CRYBG1: variants seen among roughly 807,000 people sequenced by gnomAD.
CRYBG1 encodes beta/gamma crystallin domain-containing protein 1.
CRYBG1 carries 139 observed loss-of-function variants against 189.2 expected under a neutral mutation model. The observed-to-expected ratio is 0.73, with a 90% CI of 0.64 to 0.85. The LOEUF (loss-of-function observed/expected upper bound fraction) is 0.85, where lower values mean the gene tolerates loss of function less well. CRYBG1 is among the 40% of genes least tolerant of loss of function. CRYBG1 has a pLI of 0.00. For missense variants in CRYBG1, 2,611 were observed against 2,675.8 expected (o/e 0.98, Z 0.53); for synonymous variants, 1,023 against 1,017.1 (o/e 1.01, Z -0.11).
At chr6:106,501,651 T>G (rs2114510301) in intron 2 of CRYBG1, among the ~76,000 whole-genome samples, 1 of 152,386 alleles carries the variant, frequency 6.6e-6, no homozygotes, top group East Asian at 1.9e-4. Flanking sequence ...AATTTCTCAG[T>G]ACCCTGTATG....
At chr6:106,381,500 T>A (rs1273987984) in intron 1 of CRYBG1, among the ~76,000 whole-genome samples, 1 of 152,198 alleles carries the variant, frequency 6.6e-6, no homozygotes, top group Non-Finnish European at 1.5e-5. Flanking sequence ...GCATCTTAGG[T>A]GAGTTCAGCT....
intron 2 of CRYBG1, among the ~76,000 whole-genome samples, chr6:106,462,299 T>C (rs1772028876): frequency 6.6e-6 from 1 of 152,116 alleles, no homozygotes; most frequent in South Asian, 2.1e-4. Context: ...GCCTCCCGAG[T>C]AGCTGGGACT....
At chr6:106,461,051 C>T (rs938969084) in intron 2 of CRYBG1, among the ~76,000 whole-genome samples, 9 of 151,970 alleles carry the variant, frequency 5.9e-5, no homozygotes, top group Admixed American at 5.2e-4. Context: ...TCCCAAAGTG[C>T]TGGGATTACA....
intron 1 of CRYBG1, among the ~76,000 whole-genome samples, chr6:106,397,381 T>G (rs914852671): frequency 6.6e-6 from 1 of 152,238 alleles, no homozygotes; most frequent in Non-Finnish European, 1.5e-5. Context: ...TCATCCTGCA[T>G]AACTGAAACC....
At chr6:106,526,032 C>G (rs967191714) in intron 6 of CRYBG1, among the ~76,000 whole-genome samples, 1 of 152,094 alleles carries the variant, frequency 6.6e-6, no homozygotes, top group Non-Finnish European at 1.5e-5. Flanking sequence ...TTCATTGCCT[C>G]TTGGAGATAC....
chr6:106,549,078 A>C (rs928139971), intron 13 of CRYBG1, among the ~76,000 whole-genome samples: 1 of 151,768 alleles, frequency 6.6e-6, no homozygotes, highest in African/African-American at 2.4e-5. Context: ...TGAACTCATC[A>C]TTTTTTATGG....
At chr6:106,567,682 GAAAA>G (rs34224051) in intron 21 of CRYBG1, among the ~76,000 whole-genome samples, 1 of 147,208 alleles carries the variant, frequency 6.8e-6, no homozygotes, top group Non-Finnish European at 1.5e-5. Context: ...TTCTACACTG[GAAAA>G]AAAAAAATCA....
intron 18 of CRYBG1, 63 bp downstream of exon 18, chr6:106,558,688 C>T: frequency 7.3e-7 from 1 of 1,376,270 alleles, no homozygotes; most frequent in African/African-American, 1.5e-5. Flanking sequence ...TTGGGCTGGG[C>T]ACAGTGGCTC....
intron 21 of CRYBG1, among the ~76,000 whole-genome samples, chr6:106,567,509 G>T (rs1774926028): frequency 6.6e-6 from 1 of 152,138 alleles, no homozygotes; most frequent in East Asian, 1.9e-4. Flanking sequence ...AAGGTGAAAA[G>T]AATGTTTATT....
chr6:106,463,081 G>A (rs532940098), intron 2 of CRYBG1, among the ~76,000 whole-genome samples: 1 of 152,332 alleles, frequency 6.6e-6, no homozygotes, highest in South Asian at 2.1e-4. Flanking sequence ...TTGAGCCAGA[G>A]AGTTCAAGGT....
Position 106,519,007 on chromosome 6 carries a change from A to C in CRYBG1, c.1923-124A>C, listed in dbSNP as rs1447694348. On this transcript the variant is annotated intron_variant, in intron 3 of 21. Transcript: ENST00000633556. ...CACACACACATACACACACACACAC[A>C]CCACACTCCAAATGTTATATATCAG... 9.7e-6 allele frequency: 10 copies of C among 1,027,094 alleles called. No individual in the cohort carries two copies. The African/African-American group carries it at 1.5e-4, about 15-fold the overall frequency. 63.6% of individuals were successfully genotyped at this position (1,027,094 alleles called of 1,614,324 possible). A position where few individuals can be genotyped will look rare whatever the true frequency, so the allele number is the denominator to read the frequency against.
intron 1 of CRYBG1, among the ~76,000 whole-genome samples, chr6:106,424,823 A>G (rs987384478): frequency 6.6e-6 from 1 of 152,106 alleles, no homozygotes; most frequent in African/African-American, 2.4e-5. Context: ...GCCCGTCACC[A>G]CAGAAGTCCA....
intron 1 of CRYBG1, among the ~76,000 whole-genome samples, chr6:106,364,047 G>A (rs992633779): frequency 6.6e-5 from 10 of 152,138 alleles, no homozygotes; most frequent in African/African-American, 7.2e-5. Context: ...CAGTCCAGCC[G>A]GGTGCGGTCA....
In CRYBG1 at chr6:106,521,195, C is replaced by T; in HGVS notation, c.3987C>T (p.His1329=). The change falls in exon 4 of 22, where the codon CAC becomes CAT. Residue 1329 remains histidine (H), a synonymous_variant. Transcript: ENST00000633556. ...TSHSSLKSPS[H]MEKYPQKEKT... ...ACTCCAGTTTGAAAAGTCCAAGCCA[C>T]ATGGAAAAATACCCGCAAAAAGAGA... 1 of 1,614,150 alleles carries T rather than the reference C, an allele frequency of 6.2e-7. No individual in the cohort carries two copies.
intron 1 of CRYBG1, among the ~76,000 whole-genome samples, chr6:106,391,942 TG>T: frequency 9.7e-6 from 1 of 102,828 alleles, no homozygotes; most frequent in East Asian, 2.5e-4. Context: ...TGTGTGTGTG[TG>T]TGTGTGTGTG....
At chr6:106,535,456 A>G (rs994641055) in intron 8 of CRYBG1, among the ~76,000 whole-genome samples, 1 of 152,196 alleles carries the variant, frequency 6.6e-6, no homozygotes, top group African/African-American at 2.4e-5. Context: ...TTCAATGTAC[A>G]TTGGAGATAT....
At chr6:106,379,822 C>T (rs1202422989) in intron 1 of CRYBG1, among the ~76,000 whole-genome samples, 1 of 152,150 alleles carries the variant, frequency 6.6e-6, no homozygotes. Flanking sequence ...TCAAAAAATC[C>T]TCCTGCCTTG....
At chr6:106,436,970 C>G (rs1373442474) in intron 1 of CRYBG1, among the ~76,000 whole-genome samples, 1 of 151,274 alleles carries the variant, frequency 6.6e-6, no homozygotes, top group African/African-American at 2.4e-5. Context: ...AAATTGTATC[C>G]CAAGCCAGGT....
At chr6:106,524,536 CT>C (rs1313861668) in intron 4 of CRYBG1, among the ~76,000 whole-genome samples, 2 of 152,132 alleles carry the variant, frequency 1.3e-5, no homozygotes, top group African/African-American at 4.8e-5. Context: ...GCACTCCAGC[CT>C]GGTGACAGAG....
Sources: gnomAD v4.1 joint callset for allele counts (sites outside exome capture counted in the v4.1 genomes callset) on GRCh38, gnomAD v4.1.1 for gene constraint, MANE v1.5 for transcripts, NCBI Gene and HGNC (gene_info 2026-07-23, HGNC 2026-07-21) for gene names.